MOGAT3: variants seen among roughly 807,000 people sequenced by gnomAD.
MOGAT3 encodes 2-acylglycerol O-acyltransferase 3.
Under a neutral mutation model 34.4 loss-of-function variants are expected in MOGAT3, and 39 were observed. The ratio of observed to expected loss-of-function variants is 1.13; its 90% CI spans 0.88 to 1.48. The LOEUF (loss-of-function observed/expected upper bound fraction) is 1.48, where lower values mean the gene tolerates loss of function less well. Among genes scored for constraint, MOGAT3 ranks in the 40% most tolerant of loss-of-function variants. MOGAT3 has a pLI of 0.00. For missense variants in MOGAT3, 439 were observed against 438.9 expected, an observed-to-expected ratio of 1.00 and a Z score of 0.00; for synonymous variants, 209 against 179.2, an observed-to-expected ratio of 1.17 and a Z score of -1.33.
chr7:101,198,101 A>T, intron 5 of MOGAT3, 90 bp downstream of exon 5: 1 of 1,429,670 alleles, frequency 7.0e-7, no homozygotes, highest in Non-Finnish European at 9.4e-7. Context: ...GGGCACCCGG[A>T]TCCCCCATGC....
downstream of MOGAT3, among the ~76,000 whole-genome samples, chr7:101,193,341 G>C (rs956058285): frequency 6.6e-6 from 1 of 152,208 alleles, no homozygotes; most frequent in African/African-American, 2.4e-5. Flanking sequence ...AGGAAAGGGG[G>C]AAGGACAAGT....
rs1178261355 is a variant in MOGAT3, at chr7:101,198,266, A to G, written c.593T>C (p.Leu198Pro). ...VIMVGGAHEA[L>P]YSVPGEHCLT... ...GCAGTGCTCCCCGGGGACTGAATAC[A>G]GGGCCTCGTGCGCACCCCCCACCAT... The change falls in exon 5 of 7, where the codon CTG becomes CCG. Residue 198 changes from leucine (L) to proline (P), a missense_variant. By Grantham distance (98) the Leu-to-Pro change is moderately conservative (BLOSUM62 -3). Transcript: ENST00000223114. 3 of 1,612,528 alleles carry G rather than the reference A, an allele frequency of 1.9e-6. No individual in the cohort carries two copies. The highest frequency in any genetic ancestry group is 3.3e-5 in the Admixed American group (2 of 59,818).
chr7:101,196,468 C>T, intron 5 of MOGAT3, 79 bp from the exon 6 acceptor site: 2 of 969,538 alleles, frequency 2.1e-6, no homozygotes, highest in Non-Finnish European at 3.1e-6. Flanking sequence ...GCTACAAGTC[C>T]TTCCCACTAC....
intron 5 of MOGAT3, 51 bp from the exon 6 acceptor site, chr7:101,196,440 A>C: frequency 7.1e-7 from 1 of 1,407,726 alleles, no homozygotes; most frequent in South Asian, 1.3e-5. Flanking sequence ...GACTGCTCCG[A>C]GATGGGCACC....
At position 101,200,786 on chromosome 7, in the gene MOGAT3, T is replaced by G. The variant is rs746104352; in HGVS notation, c.69A>C (p.Ala23=). ...TGAGCACATATTGGTAGGCGCCCACTGCTTCTAGATGCTGCTTCTGCAAGG... is the reference window on the plus strand; with the variant it reads ...TGAGCACATATTGGTAGGCGCCCACGGCTTCTAGATGCTGCTTCTGCAAGG... ...SKTLQKQHLE[A]VGAYQYVLTF... is the part of the protein sequence containing the mutation. The change falls in exon 1 of 7, where the codon GCA becomes GCC. Residue 23 remains alanine, a synonymous_variant. Coordinates refer to ENST00000223114, the MANE Select transcript of MOGAT3 (RefSeq NM_178176.4). The G allele has an allele frequency of 6.2e-7, 1 of 1,614,162 alleles. No homozygotes were observed. Among genetic ancestry groups the G allele is most frequent in the East Asian group, 2.2e-5 (1 of 44,872 alleles).
chr7:101,199,768 T>C (rs1412385163), intron 3 of MOGAT3, among the ~76,000 whole-genome samples: 1 of 148,542 alleles, frequency 6.7e-6, no homozygotes, highest in African/African-American at 2.5e-5. Context: ...GCATGAGCCA[T>C]GGTGCCCCAC....
chr7:101,197,357 T>A lies in MOGAT3; in HGVS notation c.668+834A>T, dbSNP rs118037775. Reference sequence around the variant, plus strand: ...ACTACCACACTTGGCTAATTTATTTTATTTTATTTTTGTAGAGATGATGTC... The same window carrying A: ...ACTACCACACTTGGCTAATTTATTTAATTTTATTTTTGTAGAGATGATGTC... On this transcript the variant is annotated intron_variant, in intron 5 of 6. Transcript: ENST00000223114. 4.6e-4 allele frequency among the ~76,000 whole-genome samples: 70 copies of A among 152,072 alleles called. 1 individual carries two copies. Among genetic ancestry groups the A allele is most frequent in the East Asian group, 3.9e-3 (20 of 5,134 alleles).
At chr7:101,196,955 G>T (rs1051947429) in intron 5 of MOGAT3, among the ~76,000 whole-genome samples, 2 of 152,032 alleles carry the variant, frequency 1.3e-5, no homozygotes, top group Non-Finnish European at 2.9e-5. Flanking sequence ...CTGAGGTCAG[G>T]AGTTCGAGAC....
chr7:101,199,866 G>C (rs919639496), intron 3 of MOGAT3, among the ~76,000 whole-genome samples: 1 of 151,924 alleles, frequency 6.6e-6, no homozygotes, highest in Non-Finnish European at 1.5e-5. Context: ...GGCCGAGGTG[G>C]CTGGATCACT....
chr7:101,194,781 G>A (rs1185860479), downstream of MOGAT3, among the ~76,000 whole-genome samples: 5 of 152,106 alleles, frequency 3.3e-5, no homozygotes, highest in Admixed American at 1.3e-4. Flanking sequence ...GATTACAGGC[G>A]TGAGCCACCG....
At position 101,195,820 on chromosome 7, in the gene MOGAT3, TG is replaced by T; in HGVS notation, c.*125del. ...CTCCCACCTTGGCCTCCCAAAGTGCTGGGATTACAGGCATGAGGCACTGCGC... is the reference window on the plus strand; with the variant it reads ...CTCCCACCTTGGCCTCCCAAAGTGCTGGATTACAGGCATGAGGCACTGCGC... On this transcript the variant is annotated 3_prime_UTR_variant, in exon 7 of 7. Coordinates refer to ENST00000223114, the MANE Select transcript of MOGAT3 (RefSeq NM_178176.4). The T allele has an allele frequency of 9.3e-7, 1 of 1,079,770 alleles. No homozygotes were observed. The highest frequency in any genetic ancestry group is 1.3e-6 in the Non-Finnish European group (1 of 740,948). 66.9% of individuals were successfully genotyped at this position (1,079,770 alleles called of 1,614,324 possible).
downstream of MOGAT3, among the ~76,000 whole-genome samples, chr7:101,194,784 A>G (rs926105158): frequency 3.3e-5 from 5 of 152,090 alleles, no homozygotes; most frequent in African/African-American, 1.2e-4. Flanking sequence ...TACAGGCGTG[A>G]GCCACCGCGC....
At position 101,200,398 on chromosome 7, in the gene MOGAT3, C is replaced by T. The variant is rs751367688; in HGVS notation, c.217+10G>A. ...ATCTCTGGCTACCTGGGCCCCCATC[C>T]GGAGCTCACCTTGGTTGGGTGTGTC... is the stretch of plus-strand genomic sequence containing the variant. On this transcript the variant is annotated intron_variant, in intron 2 of 6. Transcript: ENST00000223114. 39 of 1,612,876 alleles carry T rather than the reference C, an allele frequency of 2.4e-5. No individual in the cohort carries two copies. In the East Asian group the frequency reaches 2.5e-4, roughly 10 times the overall value.
rs1456925693 is a variant in MOGAT3, at chr7:101,198,241, G to A, written c.618C>T (p.Cys206=). 1 of 1,613,616 alleles carries A rather than the reference G, an allele frequency of 6.2e-7. No homozygotes were observed. ...EALYSVPGEH[C]LTLQKRKGFV... ...AGCCTTTGCGCTTCTGGAGCGTAAG[G>A]CAGTGCTCCCCGGGGACTGAATACA... Residue 206 remains cysteine, a synonymous_variant, in exon 5 of 7, where the codon TGC becomes TGT. Coordinates refer to ENST00000223114, the MANE Select transcript of MOGAT3 (RefSeq NM_178176.4).
chr7:101,198,913 C>G (rs933730609), intron 3 of MOGAT3, 83 bp from the exon 4 acceptor site: 1 of 1,302,016 alleles, frequency 7.7e-7, no homozygotes, highest in Middle Eastern at 2.0e-4. Context: ...CAACAGAGTT[C>G]CGAGTTAAAG....
At chr7:101,200,176 G>T (rs996051761) in intron 3 of MOGAT3, 58 bp downstream of exon 3, 1 of 1,419,342 alleles carries the variant, frequency 7.0e-7, no homozygotes, top group African/African-American at 1.4e-5. Flanking sequence ...GGGCTCCTAG[G>T]TGTGGGAGGG....
chr7:101,198,408 A>G (rs1562884528), intron 4 of MOGAT3, 43 bp from the exon 5 acceptor site: 1 of 1,511,056 alleles, frequency 6.6e-7, no homozygotes, highest in East Asian at 2.3e-5. Flanking sequence ...ATCTGCCTCC[A>G]CGGCACCCCC....
Position 101,200,309 on chromosome 7 carries a change from G to T in MOGAT3, c.218-5C>A. On this transcript the variant is annotated splice_polypyrimidine_tract_variant and splice_region_variant and intron_variant, in intron 2 of 6. Coordinates refer to ENST00000223114, the MANE Select transcript of MOGAT3 (RefSeq NM_178176.4). ...TCCACTCCGAACGCCTTCCACCTGC[G>T]GACAATGAGATACTGGTGGACGAAC... 6.2e-7 allele frequency: 1 copy of T among 1,613,796 alleles called. No homozygotes were observed. The highest frequency in any genetic ancestry group is 8.5e-7 in the Non-Finnish European group (1 of 1,179,798).
In MOGAT3 at chr7:101,200,970, C is replaced by T. The variant is rs1797941584; in HGVS notation, c.-116G>A. 1.3e-6 allele frequency: 1 copy of T among 756,894 alleles called. No homozygotes were observed. Among genetic ancestry groups the T allele is most frequent in the East Asian group, 2.7e-5 (1 of 36,626 alleles). The allele number at this position is 756,894 out of a possible 1,614,324, so 46.9% of individuals were successfully genotyped here. Reference sequence around the variant, plus strand: ...CAGGAGCCCAGCTTTGGGGGCCTGGCTAAGTCGCAAATCACCTCCCAGAGT... The same window carrying T: ...CAGGAGCCCAGCTTTGGGGGCCTGGTTAAGTCGCAAATCACCTCCCAGAGT... On this transcript the variant is annotated 5_prime_UTR_variant, in exon 1 of 7. Transcript: ENST00000223114.
Sources: gnomAD v4.1 joint callset for allele counts (sites outside exome capture counted in the v4.1 genomes callset) on GRCh38, gnomAD v4.1.1 for gene constraint, MANE v1.5 for transcripts, NCBI Gene and HGNC (gene_info 2026-07-23, HGNC 2026-07-21) for gene names.